Variants in HACL2 observed in about 807,000 individuals in gnomAD.
HACL2 encodes the protein 2-hydroxyacyl-CoA lyase 2, also known as 2-hydroxyacyl-CoA lyase 1 like.
the HACL2 span, chr19:15,120,015 C>T: frequency 1.9e-6 from 3 of 1,550,668 alleles, no homozygotes; most frequent in South Asian, 3.6e-5. Context: ...TGTCCAGGGG[C>T]AGCGGTCCCT....
chr19:15,119,364 C>T, the HACL2 span: 5 of 1,610,564 alleles, frequency 3.1e-6, no homozygotes, highest in Admixed American at 6.7e-5. Context: ...CCAAGAGCAC[C>T]CGAGGACTGG....
At chr19:15,116,237 T>G in the HACL2 span, 2 of 1,613,882 alleles carry the variant, frequency 1.2e-6, 1 homozygote, top group South Asian at 2.2e-5. Context: ...CCACCAGAAT[T>G]GAGTTGTCAG....
the HACL2 span, among the ~76,000 whole-genome samples, chr19:15,121,913 T>G: frequency 6.8e-6 from 1 of 148,112 alleles, no homozygotes; most frequent in African/African-American, 2.5e-5. Context: ...TTTTTTTTTT[T>G]TTGAGACGGA....
chr19:15,115,405 C>G, the HACL2 span: 1 of 1,613,900 alleles, frequency 6.2e-7, no homozygotes, highest in Non-Finnish European at 8.5e-7. Context: ...CCCGGGCCCC[C>G]AGACCCATGG....
the HACL2 span, chr19:15,119,279 A>G: frequency 6.2e-7 from 1 of 1,608,266 alleles, no homozygotes; most frequent in South Asian, 1.1e-5. Context: ...GAAGCAGGGA[A>G]CACCCAAGGT....
the HACL2 span, among the ~76,000 whole-genome samples, chr19:15,121,250 C>T: frequency 6.6e-6 from 1 of 152,050 alleles, no homozygotes; most frequent in African/African-American, 2.4e-5. Flanking sequence ...CAAAGCGAGA[C>T]TCCGTCTCAA....
At chr19:15,115,910 C>A in the HACL2 span, 2 of 1,614,206 alleles carry the variant, frequency 1.2e-6, no homozygotes, top group Non-Finnish European at 1.7e-6. Context: ...CGTCCCCAAA[C>A]AGGCACCAGA....
At chr19:15,123,166 C>T in the HACL2 span, 2 of 1,614,012 alleles carry the variant, frequency 1.2e-6, no homozygotes, top group Non-Finnish European at 1.7e-6. This position sits in a 1 kb window ranked among gnomAD's most constrained non-coding sequence, Gnocchi z 5.1. Flanking sequence ...GGGGACTGAG[C>T]CATCTGAGCA....
the HACL2 span, chr19:15,116,390 A>G: frequency 2.3e-5 from 37 of 1,612,604 alleles, no homozygotes; most frequent in Non-Finnish European, 3.1e-5. Flanking sequence ...TCCCACATCC[A>G]CTCCACCCAG....
At chr19:15,116,522 C>T in the HACL2 span, 1 of 1,612,440 alleles carries the variant, frequency 6.2e-7, no homozygotes. Context: ...ACCCACATCT[C>T]CTGGGGAAGG....
the HACL2 span, chr19:15,118,023 G>C: frequency 5.0e-6 from 8 of 1,613,936 alleles, no homozygotes; most frequent in East Asian, 1.6e-4. Context: ...TTCCTGGTGT[G>C]GGGGACAGGA....
At chr19:15,124,500 G>A in the HACL2 span, 1 of 166,846 alleles carries the variant, frequency 6.0e-6, no homozygotes, top group South Asian at 1.8e-4. Context: ...TACTTTCAAG[G>A]AAAAGGTAAG....
the HACL2 span, chr19:15,115,992 G>A: frequency 5.0e-6 from 8 of 1,614,124 alleles, no homozygotes; most frequent in East Asian, 1.6e-4. Flanking sequence ...CCCAACTCCA[G>A]TGCCTCACCT....
At chr19:15,119,115 G>C in the HACL2 span, 1 of 1,514,630 alleles carries the variant, frequency 6.6e-7, no homozygotes, top group Non-Finnish European at 8.9e-7. Flanking sequence ...CTGGGTAACA[G>C]GGTGAGGGGG....
the HACL2 span, chr19:15,115,169 A>G: frequency 6.5e-7 from 1 of 1,529,946 alleles, no homozygotes; most frequent in Admixed American, 1.7e-5. Flanking sequence ...GGATAGGCCC[A>G]GGGCAAGCAA....
the HACL2 span, chr19:15,120,105 C>T: frequency 7.0e-7 from 1 of 1,437,718 alleles, no homozygotes; most frequent in Non-Finnish European, 9.5e-7. Context: ...GGGGAAGAAA[C>T]CAAGTTGCCA....
chr19:15,119,376 G>T, the HACL2 span: 341 of 1,612,862 alleles, frequency 2.1e-4, no homozygotes, highest in Admixed American at 5.7e-4. Context: ...GAGGACTGGG[G>T]ACTGGGAACG....
At chr19:15,123,188 A>G in the HACL2 span, 5 of 1,613,970 alleles carry the variant, frequency 3.1e-6, no homozygotes, top group South Asian at 3.3e-5. The surrounding 1 kb of genome is among the most constrained non-coding windows in gnomAD (Gnocchi z 5.1). Flanking sequence ...TCTTCACCGC[A>G]GTCACCGTGT....
At chr19:15,119,558 T>C in the HACL2 span, 2 of 1,540,246 alleles carry the variant, frequency 1.3e-6, no homozygotes, top group Non-Finnish European at 1.8e-6. Flanking sequence ...TTTTTATTTA[T>C]TTATTTTTTT....
Sources: gnomAD v4.1 joint callset for allele counts (sites outside exome capture counted in the v4.1 genomes callset) on GRCh38, gnomAD v4.1.1 for gene constraint, Gnocchi (gnomAD v3.1) non-coding constraint, MANE v1.5 for transcripts, NCBI Gene and HGNC (gene_info 2026-07-23, HGNC 2026-07-21) for gene names.